Variants in GPC5 observed in about 807,000 individuals in gnomAD.
The protein encoded by GPC5 is glypican-5.
GPC5 carries 47 observed loss-of-function variants against 53.9 expected under a neutral mutation model. The observed-to-expected ratio is 0.87, with a 90% CI of 0.69 to 1.11. The LOEUF (loss-of-function observed/expected upper bound fraction) is 1.11. Among genes scored for constraint, GPC5 ranks in the 50% most tolerant of loss-of-function variants. GPC5 has a pLI of 0.00. For synonymous variants in GPC5, 286 were observed against 263.3 expected (o/e 1.09, Z -0.84); for missense variants, 748 against 713.1 (o/e 1.05, Z -0.56).
chr13:91,804,406 C>T (rs1160776380), intron 5 of GPC5, among the ~76,000 whole-genome samples: 1 of 152,200 alleles, frequency 6.6e-6, no homozygotes, highest in Non-Finnish European at 1.5e-5. Context: ...AAAGTGCCAG[C>T]ACATGCTTTA....
intron 5 of GPC5, among the ~76,000 whole-genome samples, chr13:91,780,074 C>T (rs2138718440): frequency 6.6e-6 from 1 of 152,202 alleles, no homozygotes; most frequent in South Asian, 2.1e-4. Context: ...CACACAAACA[C>T]CAAACATGTG....
chr13:92,615,191 T>G (rs528977435), intron 7 of GPC5, among the ~76,000 whole-genome samples: 18 of 152,368 alleles, frequency 1.2e-4, no homozygotes, highest in African/African-American at 3.8e-4. Flanking sequence ...CTCTGTTTTC[T>G]CATTCAAAGT....
chr13:92,471,565 C>T (rs1242037889), intron 7 of GPC5, among the ~76,000 whole-genome samples: 3 of 151,938 alleles, frequency 2.0e-5, no homozygotes, highest in African/African-American at 7.3e-5. Flanking sequence ...AGCAAGAAAA[C>T]TTAGTTAATT....
intron 7 of GPC5, among the ~76,000 whole-genome samples, chr13:92,149,938 T>C (rs562459437): frequency 6.6e-6 from 1 of 152,126 alleles, no homozygotes; most frequent in East Asian, 1.9e-4. Context: ...GCCATTATAC[T>C]ATATGATTAT....
chr13:92,505,322 A>G (rs1003236257), intron 7 of GPC5, among the ~76,000 whole-genome samples: 1 of 152,040 alleles, frequency 6.6e-6, no homozygotes, highest in South Asian at 2.1e-4. Flanking sequence ...CAGATGTTTC[A>G]CGAAAGAAGA....
rs144107759 is a variant in GPC5, at chr13:92,245,819, A to G, written c.1561+100830A>G. Among the ~76,000 whole-genome samples the G allele has an allele frequency of 2.3e-3, 345 of 152,258 alleles. 1 individual carries two copies. Among genetic ancestry groups the G allele is most frequent in the African/African-American group, 7.7e-3 (322 of 41,554 alleles). ...CACTGAAGTTGCTTCAGTTATATGT[A>G]GTCAAAATTGTTTCTTAAAATTTAT... On this transcript the variant is annotated intron_variant, in intron 7 of 7. Transcript: ENST00000377067.
chr13:91,628,075 A>G (rs1294097839), intron 2 of GPC5, among the ~76,000 whole-genome samples: 1 of 152,132 alleles, frequency 6.6e-6, no homozygotes, highest in Admixed American at 6.6e-5. Flanking sequence ...AAGAGACCAT[A>G]TTAATAGATA....
intron 5 of GPC5, among the ~76,000 whole-genome samples, chr13:91,794,711 C>T (rs2038020642): frequency 6.6e-6 from 1 of 152,132 alleles, no homozygotes; most frequent in Admixed American, 6.5e-5. Flanking sequence ...GTGAGTCTTC[C>T]CTTTAGCTAT....
chr13:91,814,293 A>G (rs1025585150), intron 5 of GPC5, among the ~76,000 whole-genome samples: 3 of 151,950 alleles, frequency 2.0e-5, no homozygotes, highest in African/African-American at 7.3e-5. Flanking sequence ...TATATCTGAT[A>G]TTTTGTATTT....
chr13:91,877,135 T>G (rs1268645552), intron 5 of GPC5, among the ~76,000 whole-genome samples: 1 of 152,152 alleles, frequency 6.6e-6, no homozygotes, highest in Non-Finnish European at 1.5e-5. Flanking sequence ...AGGCAAAAGT[T>G]TGCTGCAGGG....
chr13:92,316,233 C>T (rs937848163), intron 7 of GPC5, among the ~76,000 whole-genome samples: 2 of 152,058 alleles, frequency 1.3e-5, no homozygotes, highest in African/African-American at 4.8e-5. Context: ...TGCTGACCAA[C>T]ACCTTTTTCT....
At chr13:92,722,627 CA>C (rs1442834825) in intron 7 of GPC5, among the ~76,000 whole-genome samples, 1 of 151,626 alleles carries the variant, frequency 6.6e-6, no homozygotes, top group Non-Finnish European at 1.5e-5. Flanking sequence ...CTTTGCAAGA[CA>C]AGTTTTGGAT....
At chr13:92,344,962 AT>A (rs2043398511) in intron 7 of GPC5, among the ~76,000 whole-genome samples, 1 of 152,212 alleles carries the variant, frequency 6.6e-6, no homozygotes, top group Non-Finnish European at 1.5e-5. Context: ...AATATCATTG[AT>A]TTCAAAAGAA....
At chr13:92,381,794 T>TAGATAC (rs139289492) in intron 7 of GPC5, among the ~76,000 whole-genome samples, 2 of 140,030 alleles carry the variant, frequency 1.4e-5, no homozygotes, top group Non-Finnish European at 3.1e-5. Context: ...CTGTGATATA[T>TAGATAC]ATAGATACAT....
chr13:92,051,100 T>C (rs555531703), intron 6 of GPC5, among the ~76,000 whole-genome samples: 2 of 152,306 alleles, frequency 1.3e-5, no homozygotes, highest in Non-Finnish European at 2.9e-5. Context: ...CCTCCCAAAC[T>C]TTATTACACA....
In GPC5 at chr13:92,850,690, G is replaced by A. The variant is rs569830126; in HGVS notation, c.1562-15592G>A. Among the ~76,000 whole-genome samples the A allele has an allele frequency of 3.3e-5, 5 of 152,266 alleles. No individual in the cohort carries two copies. In the East Asian group the frequency reaches 9.7e-4, roughly 29 times the overall value. ...AGAAAGGTCTATAAAGTAAGGATTA[G>A]TCAAAAGCTGTAACGAGGAGTTATC... On this transcript the variant is annotated intron_variant, in intron 7 of 7. Transcript: ENST00000377067.
intron 2 of GPC5, among the ~76,000 whole-genome samples, chr13:91,679,535 A>G (rs978693592): frequency 6.6e-6 from 1 of 152,162 alleles, no homozygotes; most frequent in Non-Finnish European, 1.5e-5. Flanking sequence ...GATCAAAACT[A>G]TTTCATAATA....
At chr13:91,401,345 T>G (rs1034419913) in intron 1 of GPC5, among the ~76,000 whole-genome samples, 1 of 151,942 alleles carries the variant, frequency 6.6e-6, no homozygotes, top group Non-Finnish European at 1.5e-5. Flanking sequence ...ACATACCACA[T>G]GCTTAATAAA....
rs555000058 is a variant in GPC5 at position 92,648,948 on chromosome 13, G to T, written c.1562-217334G>T. ...AGGGTGGTTATTCATCAGGCAAGAG[G>T]ATATAAGTATGTATAATAACCAGCT... On this transcript the variant is annotated intron_variant, in intron 7 of 7. Coordinates refer to ENST00000377067, the MANE Select transcript of GPC5 (RefSeq NM_004466.6). 2.0e-5 allele frequency among the ~76,000 whole-genome samples: 3 copies of T among 152,160 alleles called. No individual in the cohort carries two copies. In the East Asian group the frequency reaches 5.8e-4, roughly 29 times the overall value.
Sources: gnomAD v4.1 joint callset for allele counts (sites outside exome capture counted in the v4.1 genomes callset) on GRCh38, gnomAD v4.1.1 for gene constraint, MANE v1.5 for transcripts, NCBI Gene and HGNC (gene_info 2026-07-23, HGNC 2026-07-21) for gene names.